The following PTPRD variants were observed in gnomAD, a reference collection of about 807,000 sequenced individuals.
The protein encoded by PTPRD is protein tyrosine phosphatase receptor type D, also known as receptor-type tyrosine-protein phosphatase delta.
Under a neutral mutation model 214.5 loss-of-function variants are expected in PTPRD, and 34 were observed. That is an observed-to-expected ratio of 0.16 (90% CI 0.12 to 0.21). The LOEUF (loss-of-function observed/expected upper bound fraction) is 0.21, where lower values mean the gene tolerates loss of function less well. PTPRD is among the 10% of genes least tolerant of loss of function. PTPRD has a pLI of 1.00. For missense variants in PTPRD, 2,545 were observed against 2,398.7 expected (o/e 1.06, Z -1.27); for synonymous variants, 1,128 against 845.7 (o/e 1.33, Z -5.79).
intron 12 of PTPRD, among the ~76,000 whole-genome samples, chr9:8,643,950 T>TGGGA: frequency 6.6e-6 from 1 of 152,160 alleles, no homozygotes; most frequent in Non-Finnish European, 1.5e-5. Flanking sequence ...TGCTGGGCTG[T>TGGGA]CAGCCCCACA....
At chr9:8,633,228 A>C in intron 14 of PTPRD, 89 bp downstream of exon 14, 1 of 1,468,522 alleles carries the variant, frequency 6.8e-7, no homozygotes, top group Non-Finnish European at 9.2e-7. Context: ...TTTAAGCACC[A>C]TCACAATGCT....
rs185281064 is a variant in PTPRD at position 8,629,793 on chromosome 9, C to T, written c.352+3524G>A. ...CATAAGCCCTACATTCACCTCCCCC[C>T]TCTCCTACTTCTTTCGTGAACCACA... On this transcript the variant is annotated intron_variant, in intron 14 of 45. Coordinates refer to ENST00000381196, the MANE Select transcript of PTPRD (RefSeq NM_002839.4). Among the ~76,000 whole-genome samples the T allele has an allele frequency of 5.9e-5, 9 of 151,916 alleles. No homozygotes were observed. The East Asian group carries it at 1.8e-3, about 30-fold the overall frequency.
intron 14 of PTPRD, among the ~76,000 whole-genome samples, chr9:8,531,958 C>G (rs2075805924): frequency 6.6e-6 from 1 of 152,052 alleles, no homozygotes; most frequent in South Asian, 2.1e-4. Context: ...CTCTTCCTTC[C>G]TGGCTCATAA....
At chr9:10,221,314 A>G (rs191663836) in intron 3 of PTPRD, among the ~76,000 whole-genome samples, 34 of 152,136 alleles carry the variant, frequency 2.2e-4, no homozygotes, top group African/African-American at 7.9e-4. Flanking sequence ...CATATACGCA[A>G]ACACAGACAC....
chr9:9,561,089 C>T (rs199844569), intron 8 of PTPRD, among the ~76,000 whole-genome samples: 3 of 152,242 alleles, frequency 2.0e-5, no homozygotes, highest in East Asian at 1.9e-4. Context: ...GGCAGTTATA[C>T]GTTTCACAGA....
At chr9:10,150,305 T>C (rs1416877550) in intron 3 of PTPRD, among the ~76,000 whole-genome samples, 3 of 152,210 alleles carry the variant, frequency 2.0e-5, no homozygotes, top group African/African-American at 4.8e-5. Context: ...GTGTGGCACA[T>C]ACACACCACG....
At chr9:10,514,614 C>T (rs550480117) in intron 2 of PTPRD, among the ~76,000 whole-genome samples, 17 of 151,842 alleles carry the variant, frequency 1.1e-4, no homozygotes, top group Admixed American at 6.6e-4. Context: ...AGTAACTTTT[C>T]AAGAACTTTT....
At chr9:8,780,569 A>G (rs2095654983) in intron 11 of PTPRD, among the ~76,000 whole-genome samples, 1 of 152,182 alleles carries the variant, frequency 6.6e-6, no homozygotes, top group African/African-American at 2.4e-5. Context: ...GTTTCTGCCA[A>G]GCCAAGGTGC....
intron 9 of PTPRD, among the ~76,000 whole-genome samples, chr9:9,188,409 A>C (rs1230355176): frequency 6.6e-6 from 1 of 152,060 alleles, no homozygotes; most frequent in Non-Finnish European, 1.5e-5. Context: ...CTGGTTACGT[A>C]TATGTTAAAT....
At chr9:8,659,397 C>A (rs1349490984) in intron 12 of PTPRD, among the ~76,000 whole-genome samples, 1 of 152,160 alleles carries the variant, frequency 6.6e-6, no homozygotes, top group Non-Finnish European at 1.5e-5. Context: ...ATTACACTAT[C>A]CCATCAAGAG....
intron 10 of PTPRD, among the ~76,000 whole-genome samples, chr9:9,170,774 G>A (rs2099912933): frequency 6.6e-6 from 1 of 152,306 alleles, no homozygotes; most frequent in Non-Finnish European, 1.5e-5. Flanking sequence ...AAACAAGTAG[G>A]AAGACAGTAA....
intron 2 of PTPRD, among the ~76,000 whole-genome samples, chr9:10,503,274 G>A (rs950036755): frequency 2.0e-5 from 3 of 147,122 alleles, no homozygotes; most frequent in African/African-American, 7.5e-5. Context: ...AATAAATTAT[G>A]GTCACTTTGT....
intron 11 of PTPRD, among the ~76,000 whole-genome samples, chr9:8,813,790 G>T (rs558365907): frequency 6.6e-6 from 1 of 152,204 alleles, no homozygotes; most frequent in Non-Finnish European, 1.5e-5. Context: ...ACTTTGTTAA[G>T]CAATACAGTT....
chr9:8,974,607 T>G (rs1030062513), intron 11 of PTPRD, among the ~76,000 whole-genome samples: 24 of 152,040 alleles, frequency 1.6e-4, no homozygotes, highest in Admixed American at 1.4e-3. Flanking sequence ...GCCATTTCCC[T>G]TCACTGGATT....
At chr9:10,527,415 T>C (rs907431899) in intron 2 of PTPRD, among the ~76,000 whole-genome samples, 31 of 152,178 alleles carry the variant, frequency 2.0e-4, no homozygotes, top group African/African-American at 6.8e-4. Context: ...ATACAGATTA[T>C]GTATTCAATG....
At chr9:10,082,592 T>C (rs1463955802) in intron 3 of PTPRD, among the ~76,000 whole-genome samples, 1 of 151,978 alleles carries the variant, frequency 6.6e-6, no homozygotes, top group Non-Finnish European at 1.5e-5. Flanking sequence ...AGAAACTTCA[T>C]ATGCATCTCA....
chr9:8,631,677 ATT>A (rs2096256953), intron 14 of PTPRD, among the ~76,000 whole-genome samples: 1 of 151,738 alleles, frequency 6.6e-6, no homozygotes, highest in African/African-American at 2.4e-5. Flanking sequence ...CTCTCAACTT[ATT>A]TTATATACGT....
At chr9:10,589,345 C>G (rs910321216) in intron 2 of PTPRD, among the ~76,000 whole-genome samples, 10 of 151,876 alleles carry the variant, frequency 6.6e-5, no homozygotes, top group Non-Finnish European at 1.3e-4. Context: ...GTTTTAGTCA[C>G]AGGGAAAGAA....
intron 14 of PTPRD, among the ~76,000 whole-genome samples, chr9:8,550,562 T>C (rs1016194050): frequency 3.3e-5 from 5 of 152,232 alleles, no homozygotes; most frequent in African/African-American, 1.2e-4. Context: ...CAGATACGTA[T>C]GTGCTTATGT....
Sources: gnomAD v4.1 joint callset for allele counts (sites outside exome capture counted in the v4.1 genomes callset) on GRCh38, gnomAD v4.1.1 for gene constraint, MANE v1.5 for transcripts, NCBI Gene and HGNC (gene_info 2026-07-23, HGNC 2026-07-21) for gene names.